Variants in TNPO3 observed in about 807,000 individuals in gnomAD.
TNPO3 encodes the protein transportin 3, also known as transportin-3.
TNPO3 carries 65 observed loss-of-function variants against 122.8 expected under a neutral mutation model. That is an observed-to-expected ratio of 0.53 (90% CI 0.43 to 0.65). The LOEUF (loss-of-function observed/expected upper bound fraction) is 0.65. TNPO3 is among the 30% of genes least tolerant of loss of function. The pLI, the probability that TNPO3 is intolerant of heterozygous loss-of-function variation, is 0.00. For synonymous variants in TNPO3, 372 were observed against 411.2 expected, an observed-to-expected ratio of 0.90 and a Z score of 1.15; for missense variants, 850 against 1,136.7, an observed-to-expected ratio of 0.75 and a Z score of 3.63.
chr7:129,018,699 A>G (rs1344444359), intron 1 of TNPO3, among the ~76,000 whole-genome samples: 1 of 152,152 alleles, frequency 6.6e-6, no homozygotes, highest in African/African-American at 2.4e-5. Context: ...GCTCAAGTAA[A>G]TATTTCACAT....
chr7:128,984,608 G>GA (rs1799958189), intron 12 of TNPO3, among the ~76,000 whole-genome samples: 1 of 152,166 alleles, frequency 6.6e-6, no homozygotes, highest in South Asian at 2.1e-4. Context: ...GTGGGTCAAA[G>GA]AGAGTCTTTA....
chr7:128,974,041 G>A (rs1267532514), intron 18 of TNPO3, among the ~76,000 whole-genome samples: 3 of 151,478 alleles, frequency 2.0e-5, no homozygotes, highest in Non-Finnish European at 4.4e-5. Flanking sequence ...GGGCATGGTG[G>A]TGGGCACCTG....
chr7:129,053,652 G>A (rs1009734004), intron 1 of TNPO3, among the ~76,000 whole-genome samples: 1 of 152,058 alleles, frequency 6.6e-6, no homozygotes, highest in Non-Finnish European at 1.5e-5. Flanking sequence ...TAAAATAAAG[G>A]GAAGGGGGCC....
chr7:129,054,672 C>G lies in TNPO3; in HGVS notation c.99G>C (p.Trp33Cys). 1 of 1,614,066 alleles carries G rather than the reference C, an allele frequency of 6.2e-7. No individual in the cohort carries two copies. The highest frequency in any genetic ancestry group is 8.5e-7 in the Non-Finnish European group (1 of 1,180,018). Residue 33 changes from tryptophan to cysteine, a missense_variant, in exon 1 of 23, where the codon TGG becomes TGC. By Grantham distance (215) the Trp-to-Cys change is radical. Transcript: ENST00000265388. ...TCACCGAACGCTGCAGCTCCCCAAG[C>G]CAAAAAGAGGCGCGCTCCTTTCCGC... ...DPSGKERASF[W>C]LGELQRSVHA...
chr7:128,981,442 C>T (rs1799615241), intron 14 of TNPO3, among the ~76,000 whole-genome samples: 2 of 152,158 alleles, frequency 1.3e-5, no homozygotes, highest in African/African-American at 2.4e-5. Flanking sequence ...ACTGAAGAAA[C>T]TTCATTATAT....
chr7:129,012,052 C>T (rs1437061099), intron 4 of TNPO3, among the ~76,000 whole-genome samples: 1 of 139,886 alleles, frequency 7.1e-6, no homozygotes, highest in African/African-American at 2.7e-5. Context: ...GTTGCCCAGA[C>T]TGGAGTGCAG....
chr7:129,003,039 C>CAAAA (rs56226072), intron 5 of TNPO3, among the ~76,000 whole-genome samples: 122 of 53,160 alleles, frequency 2.3e-3, no homozygotes, highest in East Asian at 4.7e-3. Context: ...GACTCCCTCT[C>CAAAA]AAAAAAAAAA....
At chr7:129,016,912 G>T in intron 3 of TNPO3, 71 bp downstream of exon 3, 1 of 1,322,138 alleles carries the variant, frequency 7.6e-7, no homozygotes, top group Non-Finnish European at 1.1e-6. Flanking sequence ...TCTAGCTATT[G>T]CTAACAAATT....
chr7:129,000,386 C>A, intron 7 of TNPO3, 43 bp downstream of exon 7: 1 of 1,531,744 alleles, frequency 6.5e-7, no homozygotes. Flanking sequence ...ATATGCAGCA[C>A]ACAACTTGGA....
intron 3 of TNPO3, 62 bp downstream of exon 3, chr7:129,016,920 AT>A: frequency 3.5e-6 from 5 of 1,444,730 alleles, no homozygotes; most frequent in Non-Finnish European, 4.9e-6. Context: ...TTGCTAACAA[AT>A]TTCTCTGTGT....
intron 7 of TNPO3, 73 bp downstream of exon 7, chr7:129,000,356 G>A (rs999236037): frequency 1.5e-5 from 21 of 1,381,708 alleles, no homozygotes; most frequent in Middle Eastern, 1.9e-4. Flanking sequence ...ATTTGGGCAC[G>A]AGGTAATGAA....
rs1226971602 is a variant in TNPO3 at position 128,978,992 on chromosome 7, T to C, written c.2052A>G (p.Leu684=). The C allele has an allele frequency of 6.2e-7, 1 of 1,614,012 alleles. No homozygotes were observed. The highest frequency in any genetic ancestry group is 1.3e-5 in the African/African-American group (1 of 74,942). Residue 684 remains leucine, a synonymous_variant, in exon 16 of 23, where the codon CTA becomes CTG. Coordinates refer to ENST00000265388, the MANE Select transcript of TNPO3 (RefSeq NM_012470.4). ...CAACAGATAACTTTACCTGTGTGAC[T>C]AGTGGCTGCAGCAGTGCTGCAGATC... ...GKGSAALLQP[L]VTQMVNVYHV... is the part of the protein sequence containing the mutation.
At position 128,979,029 on chromosome 7, in the gene TNPO3, C is replaced by G. The variant is rs779786988; in HGVS notation, c.2015G>C (p.Cys672Ser). Residue 672 changes from cysteine (C) to serine (S), a missense_variant, in exon 16 of 23, where the codon TGT becomes TCT. By Grantham distance (112) the Cys-to-Ser change is moderately radical (BLOSUM62 -1). Transcript: ENST00000265388. ...CCRCLRFAVR[C>S]VGKGSAALLQ... ...CAGTGCTGCAGATCCTTTGCCTACACAGCGAACAGCAAAGCGCAGGCACCT... is the reference window on the plus strand; with the variant it reads ...CAGTGCTGCAGATCCTTTGCCTACAGAGCGAACAGCAAAGCGCAGGCACCT... 6.2e-7 allele frequency: 1 copy of G among 1,614,220 alleles called. No individual in the cohort carries two copies. The highest frequency in any genetic ancestry group is 1.1e-5 in the South Asian group (1 of 91,088).
At chr7:128,989,823 C>T (rs1800560078) in intron 11 of TNPO3, 138 bp downstream of exon 11, 3 of 910,828 alleles carry the variant, frequency 3.3e-6, no homozygotes, top group African/African-American at 1.7e-5. Context: ...TAACTTACAA[C>T]ATATTGTTTA....
chr7:128,972,396 A>G (rs1211407154), intron 19 of TNPO3, 30 bp downstream of exon 19: 1 of 1,593,674 alleles, frequency 6.3e-7, no homozygotes, highest in South Asian at 1.1e-5. Context: ...AAAAGCTGTT[A>G]AGTAGAAATG....
At chr7:128,960,571 C>T (rs527726635) in intron 21 of TNPO3, among the ~76,000 whole-genome samples, 1 of 114,166 alleles carries the variant, frequency 8.8e-6, no homozygotes, top group South Asian at 3.0e-4. Flanking sequence ...AGTTTAAAAG[C>T]TAAAAAAAAA....
chr7:129,016,326 G>A (rs1803856871), intron 3 of TNPO3, among the ~76,000 whole-genome samples: 1 of 151,968 alleles, frequency 6.6e-6, no homozygotes, highest in Non-Finnish European at 1.5e-5. Flanking sequence ...CCCAGGAGGT[G>A]GAGGTTGCAG....
chr7:129,050,528 A>C (rs183472173), intron 1 of TNPO3, among the ~76,000 whole-genome samples: 1 of 152,290 alleles, frequency 6.6e-6, no homozygotes. Context: ...GACTCTGAGC[A>C]ACCAGGCTAC....
At chr7:129,034,906 A>G (rs970549996) in intron 1 of TNPO3, among the ~76,000 whole-genome samples, 13 of 151,000 alleles carry the variant, frequency 8.6e-5, no homozygotes, top group East Asian at 7.8e-4. Flanking sequence ...AAAAAAAAAA[A>G]AAAAAAAAGA....
Sources: allele counts gnomAD v4.1 joint callset (sites outside exome capture counted in the v4.1 genomes callset), GRCh38; gene constraint gnomAD v4.1.1; transcripts MANE v1.5; gene names NCBI Gene and HGNC (gene_info 2026-07-23, HGNC 2026-07-21).